KIF16B: variants seen among roughly 807,000 people sequenced by gnomAD.
The protein encoded by KIF16B is kinesin-like protein KIF16B.
A neutral mutation model predicts 156.3 loss-of-function variants in KIF16B; 98 were observed. That is an observed-to-expected ratio of 0.63 (90% confidence interval 0.53 to 0.74). The LOEUF (loss-of-function observed/expected upper bound fraction) is 0.74. Among genes scored for constraint, KIF16B ranks in the 30% least tolerant of loss-of-function variants. The probability of loss-of-function intolerance (pLI) is 0.00; values close to 1 mark genes in which losing one functional copy is unlikely to be tolerated. For missense variants in KIF16B, 1,421 were observed against 1,606.5 expected, an observed-to-expected ratio of 0.88 and a Z score of 1.97; for synonymous variants, 564 against 583.7, an observed-to-expected ratio of 0.97 and a Z score of 0.49.
Position 16,379,670 on chromosome 20 carries a change from G to A in KIF16B, c.2332C>T (p.Leu778Phe). 6.2e-7 allele frequency: 1 copy of A among 1,614,156 alleles called. No individual in the cohort carries two copies. Among genetic ancestry groups the A allele is most frequent in the East Asian group, 2.2e-5 (1 of 44,872 alleles). Residue 778 changes from leucine to phenylalanine, a missense_variant, in exon 19 of 26, where the codon CTC (leucine) becomes TTC (phenylalanine). Physicochemically the swap from Leu to Phe is conservative, Grantham distance 22. Transcript: ENST00000354981. ...QLREKQEMIQ[L>F]LRRGEVQWVE... is the part of the protein sequence containing the mutation. The stretch of plus-strand genomic sequence containing the variant: ...CACTGTACCTCCCCACGCCGCAGGA[G>A]CTGGATCATCTCCTGCTTCTCTCGG...
chr20:16,300,012 AG>A (rs1371088960), intron 25 of KIF16B, among the ~76,000 whole-genome samples: 2 of 152,212 alleles, frequency 1.3e-5, no homozygotes, highest in Non-Finnish European at 2.9e-5. Context: ...TGAAAATTAT[AG>A]GGGAAAAGGA....
At chr20:16,406,574 G>A (rs2065792494) in intron 15 of KIF16B, 118 bp from the exon 16 acceptor site, 1 of 919,544 alleles carries the variant, frequency 1.1e-6, no homozygotes, top group Admixed American at 2.2e-5. Flanking sequence ...AAATAATAAG[G>A]GAAAGCTTTA....
chr20:16,504,587 C>T (rs1051980740), intron 9 of KIF16B, 40 bp from the exon 10 acceptor site: 2 of 1,559,502 alleles, frequency 1.3e-6, no homozygotes, highest in African/African-American at 2.7e-5. Flanking sequence ...ATCCAGCACT[C>T]CATGTTCCAT....
chr20:16,528,478 A>T, intron 1 of KIF16B, 38 bp from the exon 2 acceptor site: 1 of 1,398,300 alleles, frequency 7.2e-7, no homozygotes, highest in Non-Finnish European at 1.0e-6. Context: ...TAGAAGAGAA[A>T]AGATTATTAA....
At chr20:16,537,269 A>G (rs1357770574) in intron 1 of KIF16B, among the ~76,000 whole-genome samples, 1 of 152,088 alleles carries the variant, frequency 6.6e-6, no homozygotes. Context: ...CCAGCACTAT[A>G]TCCTGCCCCA....
chr20:16,560,562 T>C (rs2147355509), intron 1 of KIF16B, among the ~76,000 whole-genome samples: 1 of 152,278 alleles, frequency 6.6e-6, no homozygotes, highest in South Asian at 2.1e-4. Context: ...ATTCCAACAC[T>C]TTGGGAGGCC....
At chr20:16,477,221 A>G (rs1475074470) in intron 12 of KIF16B, among the ~76,000 whole-genome samples, 39 of 136,760 alleles carry the variant, frequency 2.9e-4, no homozygotes, top group South Asian at 7.0e-4. Context: ...AAAAAAAAAA[A>G]GGTGGGGAAG....
chr20:16,305,725 C>A (rs749648159), intron 25 of KIF16B, among the ~76,000 whole-genome samples: 9 of 152,172 alleles, frequency 5.9e-5, no homozygotes, highest in Non-Finnish European at 5.9e-5. Context: ...TACTCTCTAT[C>A]CCCATGAGAT....
At chr20:16,390,867 T>C (rs2065346315) in intron 17 of KIF16B, among the ~76,000 whole-genome samples, 1 of 152,216 alleles carries the variant, frequency 6.6e-6, no homozygotes, top group African/African-American at 2.4e-5. Flanking sequence ...GAATAAAGAA[T>C]GGACAGCGTG....
At chr20:16,298,833 C>T (rs1400026532) in intron 25 of KIF16B, among the ~76,000 whole-genome samples, 1 of 151,890 alleles carries the variant, frequency 6.6e-6, no homozygotes, top group Non-Finnish European at 1.5e-5. Flanking sequence ...CGGAGTTGCA[C>T]TCAGCGAAAC....
chr20:16,482,837 T>C (rs2068017485), intron 12 of KIF16B, among the ~76,000 whole-genome samples: 1 of 152,178 alleles, frequency 6.6e-6, no homozygotes, highest in Non-Finnish European at 1.5e-5. Context: ...ATGTGAATGG[T>C]GTCACCCTGA....
intron 17 of KIF16B, among the ~76,000 whole-genome samples, chr20:16,382,304 T>A (rs1020005400): frequency 6.6e-6 from 1 of 152,230 alleles, no homozygotes; most frequent in Non-Finnish European, 1.5e-5. Flanking sequence ...AATAATTTCA[T>A]GAAACAAACA....
intron 3 of KIF16B, among the ~76,000 whole-genome samples, 156 bp from the exon 4 acceptor site, chr20:16,515,820 G>A (rs2069126640): frequency 2.0e-5 from 3 of 152,096 alleles, no homozygotes; most frequent in Non-Finnish European, 4.4e-5. Context: ...AACATATGTA[G>A]ACACCACAGT....
At chr20:16,367,834 G>C (rs1392023594) in intron 22 of KIF16B, 1 of 1,608,110 alleles carries the variant, frequency 6.2e-7, no homozygotes, top group South Asian at 1.1e-5. Flanking sequence ...CAGCTGTTGA[G>C]AGAGGTATTT....
At chr20:16,306,438 G>A (rs1308860970) in intron 25 of KIF16B, among the ~76,000 whole-genome samples, 2 of 151,956 alleles carry the variant, frequency 1.3e-5, no homozygotes, top group African/African-American at 4.8e-5. Flanking sequence ...TTATCGTTTT[G>A]GACAACAGCT....
At chr20:16,369,469 T>C (rs1180536785) in intron 22 of KIF16B, among the ~76,000 whole-genome samples, 4 of 152,264 alleles carry the variant, frequency 2.6e-5, no homozygotes, top group African/African-American at 7.2e-5. Flanking sequence ...CCATATTATA[T>C]ATATATTATA....
chr20:16,359,852 G>A (rs560971516), intron 22 of KIF16B, among the ~76,000 whole-genome samples: 33 of 152,180 alleles, frequency 2.2e-4, no homozygotes, highest in African/African-American at 7.0e-4. Context: ...TGTCCCAAAC[G>A]GGACCAGACA....
chr20:16,456,130 TAC>T (rs2067206898), intron 12 of KIF16B, among the ~76,000 whole-genome samples: 1 of 151,856 alleles, frequency 6.6e-6, no homozygotes, highest in Non-Finnish European at 1.5e-5. Context: ...TACAATACAA[TAC>T]AATACAATAC....
chr20:16,556,381 T>G (rs1465261570), intron 1 of KIF16B, among the ~76,000 whole-genome samples: 1 of 152,244 alleles, frequency 6.6e-6, no homozygotes, highest in Admixed American at 6.5e-5. Context: ...GCAAGGACTA[T>G]GCCCACTGTG....
Sources: allele counts gnomAD v4.1 joint callset (sites outside exome capture counted in the v4.1 genomes callset), GRCh38; gene constraint gnomAD v4.1.1; transcripts MANE v1.5; gene names NCBI Gene and HGNC (gene_info 2026-07-23, HGNC 2026-07-21).